DNAH6: variants seen among roughly 807,000 people sequenced by gnomAD.
DNAH6 encodes the protein dynein axonemal heavy chain 6.
DNAH6 carries 340 observed loss-of-function variants against 491.4 expected under a neutral mutation model. The ratio of observed to expected loss-of-function variants is 0.69; its 90% CI spans 0.63 to 0.76. DNAH6 has a LOEUF of 0.76. Among genes scored for constraint, DNAH6 ranks in the 30% least tolerant of loss-of-function variants. The pLI is 0.00. For synonymous variants in DNAH6, 1,603 were observed against 1,686.1 expected, an observed-to-expected ratio of 0.95 and a Z score of 1.21; for missense variants, 4,443 against 4,972.2, an observed-to-expected ratio of 0.89 and a Z score of 3.20.
At chr2:84,605,668 A>G in intron 20 of DNAH6, 76 bp downstream of exon 20, 1 of 930,962 alleles carries the variant, frequency 1.1e-6, no homozygotes, top group Non-Finnish European at 1.6e-6. Context: ...GTGAGAGATT[A>G]TGATGAGGGA....
At chr2:84,669,605 G>A in intron 38 of DNAH6, 95 bp downstream of exon 38, 9 of 1,121,180 alleles carry the variant, frequency 8.0e-6, no homozygotes, top group Non-Finnish European at 1.0e-5. Context: ...ATTTCTGAGA[G>A]GAATTTTGTT....
Position 84,685,386 on chromosome 2 carries a change from G to A in DNAH6, c.6977G>A (p.Cys2326Tyr). Residue 2326 changes from cysteine (C) to tyrosine (Y), a missense_variant, in exon 43 of 77, where the codon TGC becomes TAC. Transcript: ENST00000389394. ...GAAATTCAGATATTTAGACTCTTTT[G>A]CCATGAGTGCCAAAGGGTCTTCCAT... The part of the protein sequence containing the change: ...REEIQIFRLF[C>Y]HECQRVFHDR... The A allele has an allele frequency of 6.5e-7, 1 of 1,527,200 alleles. No homozygotes were observed. Among genetic ancestry groups the A allele is most frequent in the Non-Finnish European group, 8.8e-7 (1 of 1,131,556 alleles). The allele number at this position is 1,527,200 out of a possible 1,614,324, so 94.6% of individuals were successfully genotyped here. A position where few individuals can be genotyped will look rare whatever the true frequency, so the allele number is the denominator to read the frequency against.
At chr2:84,494,296 G>T in the DNAH6 span, among the ~76,000 whole-genome samples, 2 of 152,136 alleles carry the variant, frequency 1.3e-5, no homozygotes, top group Non-Finnish European at 2.9e-5. Flanking sequence ...TTTGTTTGCC[G>T]GATACAGGTT....
chr2:84,716,814 T>G (rs753849230), intron 58 of DNAH6, among the ~76,000 whole-genome samples: 8 of 152,238 alleles, frequency 5.3e-5, no homozygotes, highest in East Asian at 3.9e-4. Flanking sequence ...TCCCTGCTAT[T>G]TCTCCTAGAT....
chr2:84,530,170 T>A (rs548066230), intron 4 of DNAH6, among the ~76,000 whole-genome samples: 142 of 152,254 alleles, frequency 9.3e-4, no homozygotes, highest in African/African-American at 3.3e-3. Context: ...ACTGACATTT[T>A]AGCAGAGGAT....
intron 22 of DNAH6, among the ~76,000 whole-genome samples, chr2:84,613,151 G>A (rs74584289): frequency 0.1 from 15,495 of 151,990 alleles, 1,790 homozygotes; most frequent in African/African-American, 0.29. Flanking sequence ...GAGAGTGTGT[G>A]TGTGTGTGTG....
intron 62 of DNAH6, among the ~76,000 whole-genome samples, chr2:84,735,276 A>G (rs991359297): frequency 5.9e-5 from 9 of 152,116 alleles, no homozygotes; most frequent in Non-Finnish European, 1.2e-4. Flanking sequence ...TATATACCAC[A>G]TTTTCTTTGT....
At chr2:84,655,500 C>A (rs1013499096) in intron 35 of DNAH6, among the ~76,000 whole-genome samples, 1 of 152,040 alleles carries the variant, frequency 6.6e-6, no homozygotes, top group East Asian at 1.9e-4. Context: ...TGCCTCTCCC[C>A]CTCCAAAGAT....
At chr2:84,677,329 T>C (rs1380596470) in intron 41 of DNAH6, among the ~76,000 whole-genome samples, 193 bp downstream of exon 41, 1 of 152,216 alleles carries the variant, frequency 6.6e-6, no homozygotes, top group Non-Finnish European at 1.5e-5. Flanking sequence ...CTGTATCTGT[T>C]GGTCTCAGAG....
intron 11 of DNAH6, among the ~76,000 whole-genome samples, chr2:84,568,659 C>G (rs1034921866): frequency 6.6e-6 from 1 of 152,148 alleles, no homozygotes; most frequent in Non-Finnish European, 1.5e-5. Context: ...ACCACCATGG[C>G]ATACATTTAC....
chr2:84,516,675 G>A (rs935073238), intron 1 of DNAH6, 92 bp downstream of exon 1: 2 of 152,186 alleles, frequency 1.3e-5, no homozygotes, highest in Non-Finnish European at 2.9e-5. Flanking sequence ...GCTCAAAGAG[G>A]CAGAGAAAAT....
At chr2:84,591,662 A>G in intron 16 of DNAH6, among the ~76,000 whole-genome samples, 1 of 152,222 alleles carries the variant, frequency 6.6e-6, no homozygotes, top group East Asian at 1.9e-4. Context: ...CACAATCTTG[A>G]GAAATAGGAA....
At chr2:84,778,483 G>A (rs1174761225) in intron 64 of DNAH6, among the ~76,000 whole-genome samples, 3 of 151,504 alleles carry the variant, frequency 2.0e-5, no homozygotes, top group African/African-American at 7.3e-5. Context: ...AATTCTCAAT[G>A]TAGGAATTTA....
chr2:84,630,341 T>C (rs1267926939), intron 29 of DNAH6, among the ~76,000 whole-genome samples: 1 of 152,104 alleles, frequency 6.6e-6, no homozygotes, highest in Non-Finnish European at 1.5e-5. Flanking sequence ...AATCAAAAAA[T>C]ACATATCTCC....
intron 70 of DNAH6, among the ~76,000 whole-genome samples, chr2:84,799,006 G>A (rs985787650): frequency 8.4e-5 from 5 of 59,472 alleles, no homozygotes; most frequent in African/African-American, 3.4e-4. Flanking sequence ...TTTTTTTTTT[G>A]AGACGGAGTC....
At chr2:84,691,880 T>G (rs959763849) in intron 45 of DNAH6, among the ~76,000 whole-genome samples, 2 of 152,340 alleles carry the variant, frequency 1.3e-5, no homozygotes, top group African/African-American at 4.8e-5. Context: ...CCACAGGCCA[T>G]AGTTTGCTGA....
intron 48 of DNAH6, among the ~76,000 whole-genome samples, chr2:84,700,661 G>A (rs1695814964): frequency 6.6e-6 from 1 of 152,222 alleles, no homozygotes; most frequent in Admixed American, 6.5e-5. Flanking sequence ...TTTGACCAAT[G>A]TTCAAGTGAG....
intron 72 of DNAH6, 47 bp downstream of exon 72, chr2:84,808,589 T>C (rs1307592876): frequency 1.3e-6 from 2 of 1,534,256 alleles, no homozygotes; most frequent in African/African-American, 1.4e-5. Context: ...CAAAGCTTTG[T>C]AGAGAGTTGT....
intron 63 of DNAH6, among the ~76,000 whole-genome samples, chr2:84,746,578 A>G (rs2557774): frequency 0.036 from 5,515 of 152,318 alleles, 151 homozygotes; most frequent in South Asian, 0.062. Flanking sequence ...TTCAGGAAGC[A>G]TTAGAGAAAA....
Sources: allele counts gnomAD v4.1 joint callset (sites outside exome capture counted in the v4.1 genomes callset), GRCh38; gene constraint gnomAD v4.1.1; transcripts MANE v1.5; gene names NCBI Gene and HGNC (gene_info 2026-07-23, HGNC 2026-07-21).